UNC13A: variants seen among roughly 807,000 people sequenced by gnomAD.
UNC13A encodes the protein unc-13 homolog A, also known as protein unc-13 homolog A.
UNC13A carries 61 observed loss-of-function variants against 219.7 expected under a neutral mutation model. The observed-to-expected ratio is 0.28, with a 90% CI of 0.23 to 0.34. UNC13A has a LOEUF of 0.34. UNC13A is among the 10% of genes least tolerant of loss of function. UNC13A has a pLI of 1.00. For missense variants in UNC13A, 1,476 were observed against 2,270.3 expected (o/e 0.65, Z 7.11); for synonymous variants, 920 against 884.6 (o/e 1.04, Z -0.71).
At position 17,623,171 on chromosome 19, in the gene UNC13A, A is replaced by G. The variant is rs1040117364; in HGVS notation, c.4203+371T>C. 1.9e-5 allele frequency: 5 copies of G among 258,394 alleles called. No individual in the cohort carries two copies. In the South Asian group the frequency reaches 4.6e-4, roughly 24 times the overall value. 16.0% of individuals were successfully genotyped at this position (258,394 alleles called of 1,614,324 possible). ...AGAGCCCAAAGAGGAGGTCAGAGGAATCCTGGGGTTGATCCTCTTTCTAGC... is the reference window on the plus strand; with the variant it reads ...AGAGCCCAAAGAGGAGGTCAGAGGAGTCCTGGGGTTGATCCTCTTTCTAGC... On this transcript the variant is annotated intron_variant, in intron 36 of 43. Coordinates refer to ENST00000519716, the MANE Select transcript of UNC13A (RefSeq NM_001080421.3).
chr19:17,686,835 G>T (rs1406765275), intron 1 of UNC13A, among the ~76,000 whole-genome samples: 1 of 149,784 alleles, frequency 6.7e-6, no homozygotes, highest in South Asian at 2.2e-4. Context: ...GGGGAGGGAG[G>T]AGGAGGGGCG....
rs755686090 is a variant in UNC13A at position 17,620,708 on chromosome 19, C to G, written c.4257G>C (p.Leu1419Phe). Residue 1419 changes from leucine to phenylalanine, a missense_variant, in exon 38 of 44, where the codon TTG becomes TTC. Leu to Phe is a conservative substitution (Grantham distance 22). Transcript: ENST00000519716. ...CCGGTCTTACGTCTGAGTGGCTTGG[C>G]AATTTCACCCTGCCCTGTGGAGAGA... ...GKGLEKGRVK[L>F]PSHSDGTQMI... The G allele has an allele frequency of 2.5e-6, 4 of 1,612,036 alleles. No individual in the cohort carries two copies. Among genetic ancestry groups the G allele is most frequent in the East Asian group, 2.2e-5 (1 of 44,800 alleles).
At chr19:17,630,609 C>T (rs774403414) in intron 29 of UNC13A, 45 bp downstream of exon 29, 1 of 1,602,080 alleles carries the variant, frequency 6.2e-7, no homozygotes, top group Non-Finnish European at 8.6e-7. Context: ...CTAAATTGAC[C>T]CCAGTGGGAA....
chr19:17,667,473 T>C (rs2079678329), intron 6 of UNC13A, among the ~76,000 whole-genome samples: 1 of 152,026 alleles, frequency 6.6e-6, no homozygotes, highest in Non-Finnish European at 1.5e-5. Context: ...TTTATTATTA[T>C]TATCAATATT....
At chr19:17,625,209 G>A (rs1467255104) in intron 34 of UNC13A, among the ~76,000 whole-genome samples, 1 of 152,166 alleles carries the variant, frequency 6.6e-6, no homozygotes, top group Non-Finnish European at 1.5e-5. Flanking sequence ...TATCAGGATG[G>A]GGGTAGTGGG....
At chr19:17,663,226 G>A (rs1484009198) in intron 8 of UNC13A, among the ~76,000 whole-genome samples, 1 of 151,970 alleles carries the variant, frequency 6.6e-6, no homozygotes, top group Non-Finnish European at 1.5e-5. Flanking sequence ...GTGGGGTGCG[G>A]GGGTCACAGT....
chr19:17,668,204 C>T lies in UNC13A; in HGVS notation c.395-14G>A, dbSNP rs2079699038. The T allele has an allele frequency of 6.2e-7, 1 of 1,611,982 alleles. No homozygotes were observed. Among genetic ancestry groups the T allele is most frequent in the Non-Finnish European group, 8.5e-7 (1 of 1,179,056 alleles). ...CTTCAGGAATGTCTGCAAGCAGAGC[C>T]CTGTCTGTGAGCCTGGAAGACCCTC... is the stretch of plus-strand genomic sequence containing the variant. On this transcript the variant is annotated splice_polypyrimidine_tract_variant and intron_variant, in intron 5 of 43. Coordinates refer to ENST00000519716, the MANE Select transcript of UNC13A (RefSeq NM_001080421.3).
At chr19:17,607,468 G>C (rs1449518347) in intron 43 of UNC13A, among the ~76,000 whole-genome samples, 2 of 136,702 alleles carry the variant, frequency 1.5e-5, no homozygotes, top group Non-Finnish European at 1.6e-5. Context: ...GGCGGGGGGG[G>C]GGGTCTCACC....
intron 3 of UNC13A, 33 bp from the exon 4 acceptor site, chr19:17,672,528 C>G (rs753258447): frequency 1.3e-6 from 2 of 1,586,792 alleles, no homozygotes; most frequent in Non-Finnish European, 1.7e-6. Context: ...GTCGAGGGAG[C>G]AGGAGGGAGG....
chr19:17,653,133 G>T (rs1384434823), intron 11 of UNC13A, among the ~76,000 whole-genome samples: 1 of 151,984 alleles, frequency 6.6e-6, no homozygotes, highest in Non-Finnish European at 1.5e-5. Context: ...GGGGGGAGGG[G>T]TGGCCCTATG....
chr19:17,623,410 C>T, intron 36 of UNC13A, 132 bp downstream of exon 36: 4 of 672,836 alleles, frequency 5.9e-6, no homozygotes, highest in Non-Finnish European at 9.7e-6. Flanking sequence ...ACAGGCACAT[C>T]TAGGCGGGAG....
At position 17,674,794 on chromosome 19, in the gene UNC13A, G is replaced by C; in HGVS notation, c.53-38C>G. On this transcript the variant is annotated intron_variant, in intron 2 of 43. Transcript: ENST00000519716. This position sits in a 1 kb window ranked among gnomAD's most constrained non-coding sequence, Gnocchi z 5.0. Reference sequence around the variant, plus strand: ...GAGTAGGGGTCAGCGCTGGGGCTCAGGGACTCTCCAATGCCCCTTCCCAAG... The same window carrying C: ...GAGTAGGGGTCAGCGCTGGGGCTCACGGACTCTCCAATGCCCCTTCCCAAG... 1 of 1,560,308 alleles carries C rather than the reference G, an allele frequency of 6.4e-7. No homozygotes were observed. Among genetic ancestry groups the C allele is most frequent in the Non-Finnish European group, 8.8e-7 (1 of 1,131,636 alleles).
At chr19:17,635,938 A>G in intron 26 of UNC13A, 86 bp downstream of exon 26, 1 of 1,481,440 alleles carries the variant, frequency 6.8e-7, no homozygotes, top group Non-Finnish European at 9.1e-7. Flanking sequence ...GTAATTAGAC[A>G]AAATCATCTT....
At position 17,604,001 on chromosome 19, in the gene UNC13A, G is replaced by A. The variant is rs1338986974; in HGVS notation, c.*2053C>T. The A allele has an allele frequency of 6.6e-6, 1 of 152,134 alleles. No individual in the cohort carries two copies. Among genetic ancestry groups the A allele is most frequent in the Admixed American group, 6.6e-5 (1 of 15,246 alleles). 9.4% of individuals were successfully genotyped at this position (152,134 alleles called of 1,614,324 possible). A position where few individuals can be genotyped will look rare whatever the true frequency, so the allele number is the denominator to read the frequency against. On this transcript the variant is annotated 3_prime_UTR_variant, in exon 44 of 44. Transcript: ENST00000519716. ...TAATTTTTGTATTTTTAGCAGAGATGGGGTTTCGCCATGTTGGCCAGGCTG... is the reference window on the plus strand; with the variant it reads ...TAATTTTTGTATTTTTAGCAGAGATAGGGTTTCGCCATGTTGGCCAGGCTG...
chr19:17,628,314 G>C (rs1373500883), intron 31 of UNC13A: 1 of 199,660 alleles, frequency 5.0e-6, no homozygotes, highest in Non-Finnish European at 1.0e-5. Context: ...CTGAAGGCGT[G>C]TGCCCTCACC....
In UNC13A at chr19:17,647,256, C is replaced by G; in HGVS notation, c.2044+9G>C. ...AGGAGGGGCCCTATGGCGGCCCACG[C>G]CCCCTCACCGGTGATGCTGATCTTG... On this transcript the variant is annotated intron_variant, in intron 17 of 43. Transcript: ENST00000519716. 1 of 1,560,216 alleles carries G rather than the reference C, an allele frequency of 6.4e-7. No individual in the cohort carries two copies.
chr19:17,605,613 C>G lies in UNC13A; in HGVS notation c.*441G>C. The stretch of plus-strand genomic sequence containing the variant: ...AGCCCTACCCCTTGCCCAGGGCCCC[C>G]CCTCGAGGGAGCTGAGATTTCCATA... On this transcript the variant is annotated 3_prime_UTR_variant, in exon 44 of 44. Transcript: ENST00000519716. The G allele has an allele frequency of 6.2e-6, 1 of 161,528 alleles. No homozygotes were observed. The highest frequency in any genetic ancestry group is 1.9e-4 in the South Asian group (1 of 5,288). The allele number at this position is 161,528 out of a possible 1,614,324, so 10.0% of individuals were successfully genotyped here. A position where few individuals can be genotyped will look rare whatever the true frequency, so the allele number is the denominator to read the frequency against.
rs764108205 is a variant in UNC13A at position 17,640,640 on chromosome 19, G to A, written c.2658C>T (p.Ser886=). Residue 886 remains serine (S), a synonymous_variant, in exon 22 of 44, where the codon TCC becomes TCT. Transcript: ENST00000519716. The part of the protein sequence containing the change: ...QAMTHFACLS[S]KYMCPGVPAV... ...CAGGCACCCCTGGGCACATATACTT[G>A]GAGGAGAGGCAGGCAAAGTGGCTGG... The A allele has an allele frequency of 2.5e-6, 4 of 1,592,420 alleles. No individual in the cohort carries two copies. In the African/African-American group the frequency reaches 5.4e-5, roughly 21 times the overall value.
Position 17,649,277 on chromosome 19 carries a change from G to A in UNC13A, c.1524+62C>T. ...TAATCCATGAATTGGGGGCCTGTTA[G>A]AAGATCCCAGTGGGGGAGTTTGGGG... On this transcript the variant is annotated intron_variant, in intron 14 of 43. Coordinates refer to ENST00000519716, the MANE Select transcript of UNC13A (RefSeq NM_001080421.3). The surrounding 1 kb of genome is among the most constrained non-coding windows in gnomAD (Gnocchi z 4.4). The A allele has an allele frequency of 6.5e-7, 1 of 1,545,134 alleles. No homozygotes were observed.
Sources: gnomAD v4.1 joint callset for allele counts (sites outside exome capture counted in the v4.1 genomes callset) on GRCh38, gnomAD v4.1.1 for gene constraint, Gnocchi (gnomAD v3.1) non-coding constraint, MANE v1.5 for transcripts, NCBI Gene and HGNC (gene_info 2026-07-23, HGNC 2026-07-21) for gene names.